Variants in FHIP1A observed in about 807,000 individuals in gnomAD.
FHIP1A encodes the protein FHF complex subunit HOOK-interacting protein 1A.
A neutral mutation model predicts 88.6 loss-of-function variants in FHIP1A; 61 were observed. That is an observed-to-expected ratio of 0.69 (90% CI 0.56 to 0.85). FHIP1A has a LOEUF of 0.85. Ranked by LOEUF, FHIP1A falls within the 40% of genes least tolerant of loss-of-function variation. The pLI, the probability that FHIP1A is intolerant of heterozygous loss-of-function variation, is 0.00. For synonymous variants in FHIP1A, 478 were observed against 496.0 expected, an observed-to-expected ratio of 0.96 and a Z score of 0.48; for missense variants, 1,154 against 1,273.5, an observed-to-expected ratio of 0.91 and a Z score of 1.43.
intron 7 of FHIP1A, among the ~76,000 whole-genome samples, chr4:151,598,488 C>T (rs1373119507): frequency 2.0e-5 from 3 of 152,092 alleles, no homozygotes; most frequent in Admixed American, 1.3e-4. Context: ...GCTATCTTGC[C>T]AGCCACCTCT....
chr4:151,454,288 G>A (rs1260969292), intron 1 of FHIP1A, among the ~76,000 whole-genome samples: 3 of 152,172 alleles, frequency 2.0e-5, no homozygotes, highest in Non-Finnish European at 4.4e-5. Context: ...CACATCAAGA[G>A]CCATTGGAGT....
intron 7 of FHIP1A, among the ~76,000 whole-genome samples, chr4:151,611,994 T>A (rs1466293374): frequency 1.3e-5 from 2 of 152,246 alleles, no homozygotes; most frequent in African/African-American, 2.4e-5. Context: ...AAAATGATTA[T>A]GTACATTTGT....
chr4:151,645,020 C>A (rs571405472), intron 9 of FHIP1A, among the ~76,000 whole-genome samples: 3 of 152,184 alleles, frequency 2.0e-5, no homozygotes, highest in Non-Finnish European at 4.4e-5. Flanking sequence ...TTCATTTTTC[C>A]TCATTGCTAA....
chr4:151,452,951 T>TATATACATAC (rs1266623899), intron 1 of FHIP1A, among the ~76,000 whole-genome samples: 1 of 119,316 alleles, frequency 8.4e-6, no homozygotes, highest in Non-Finnish European at 2.0e-5. Context: ...TATATATATA[T>TATATACATAC]ACATACACAC....
At chr4:151,617,928 A>G (rs1222952342) in intron 7 of FHIP1A, among the ~76,000 whole-genome samples, 1 of 152,202 alleles carries the variant, frequency 6.6e-6, no homozygotes, top group African/African-American at 2.4e-5. Flanking sequence ...TCTCAATACA[A>G]GCACTGCTGT....
chr4:151,499,390 G>C (rs190836160), intron 3 of FHIP1A, among the ~76,000 whole-genome samples: 26 of 152,204 alleles, frequency 1.7e-4, no homozygotes, highest in African/African-American at 5.1e-4. Flanking sequence ...TTATTTTTAC[G>C]TGAAGCCAGA....
chr4:151,520,213 A>G (rs34306042), intron 3 of FHIP1A, among the ~76,000 whole-genome samples: 9,663 of 152,182 alleles, frequency 0.063, 457 homozygotes, highest in Non-Finnish European at 0.092. Context: ...TATCTATATT[A>G]TATCTCAAGT....
intron 3 of FHIP1A, among the ~76,000 whole-genome samples, chr4:151,550,384 ATGTG>A (rs1732681269): frequency 6.6e-6 from 1 of 151,966 alleles, no homozygotes; most frequent in African/African-American, 2.4e-5. Flanking sequence ...CCGAACCCCT[ATGTG>A]TGTATTTTTA....
At chr4:151,457,955 A>G (rs1349190588) in intron 2 of FHIP1A, among the ~76,000 whole-genome samples, 2 of 152,264 alleles carry the variant, frequency 1.3e-5, no homozygotes, top group Non-Finnish European at 2.9e-5. Context: ...CTACCAGTTT[A>G]TGGTCCCTGT....
rs1736964432 is a variant in FHIP1A at position 151,650,109 on chromosome 4, GA to G, written c.2069del (p.Glu690GlyfsTer39). The G allele has an allele frequency of 6.4e-7, 1 of 1,551,686 alleles. No homozygotes were observed. Among genetic ancestry groups the G allele is most frequent in the African/African-American group, 1.4e-5 (1 of 73,168 alleles). ...NNGPLLSTQPETDSEEEWNRD... is the reference protein window; with the variant it reads ...NNGPLLSTQPXTDSEEEWNRD... Reference sequence around the variant, plus strand: ...CGGCCCCCTCCTCAGCACCCAGCCAGAGACAGATTCAGAGGAGGAGTGGAAT... The same window carrying G: ...CGGCCCCCTCCTCAGCACCCAGCCAGGACAGATTCAGAGGAGGAGTGGAAT... On this transcript the variant is annotated frameshift_variant, in exon 11 of 14. Coordinates refer to ENST00000435205, the MANE Select transcript of FHIP1A (RefSeq NM_001109977.3). LOFTEE classifies it high-confidence loss of function.
chr4:151,531,364 G>C (rs939737197), intron 3 of FHIP1A, among the ~76,000 whole-genome samples: 2 of 151,924 alleles, frequency 1.3e-5, no homozygotes, highest in Non-Finnish European at 2.9e-5. Context: ...GGCCTTCTGT[G>C]CTTTCTCCTC....
At chr4:151,570,534 C>T (rs1733561747) in intron 4 of FHIP1A, among the ~76,000 whole-genome samples, 1 of 152,170 alleles carries the variant, frequency 6.6e-6, no homozygotes, top group South Asian at 2.1e-4. Context: ...CACACTACAG[C>T]CTTGAACTCC....
chr4:151,538,712 A>G (rs752242090), intron 3 of FHIP1A, among the ~76,000 whole-genome samples: 25 of 152,220 alleles, frequency 1.6e-4, no homozygotes, highest in Non-Finnish European at 3.2e-4. Flanking sequence ...GAGTCAAGTT[A>G]TGGCGGAACT....
chr4:151,497,397 A>G (rs1327417543), intron 3 of FHIP1A, among the ~76,000 whole-genome samples: 1 of 152,174 alleles, frequency 6.6e-6, no homozygotes, highest in Non-Finnish European at 1.5e-5. Context: ...CTGTTTTTTT[A>G]TGGCCCACTA....
At chr4:151,632,170 TTTAAGA>T (rs1432446752) in intron 8 of FHIP1A, among the ~76,000 whole-genome samples, 4 of 151,916 alleles carry the variant, frequency 2.6e-5, no homozygotes, top group Non-Finnish European at 5.9e-5. Context: ...AAAATTAGAC[TTTAAGA>T]TAAAGAGACA....
At chr4:151,510,430 A>AT (rs1173163057) in intron 3 of FHIP1A, among the ~76,000 whole-genome samples, 1 of 152,102 alleles carries the variant, frequency 6.6e-6, no homozygotes. Flanking sequence ...TTTAAAAGAG[A>AT]TTTTTTTATT....
chr4:151,594,394 C>T (rs949676340), intron 7 of FHIP1A, among the ~76,000 whole-genome samples: 5 of 151,740 alleles, frequency 3.3e-5, no homozygotes, highest in South Asian at 2.1e-4. Context: ...GGTTGGTAGG[C>T]ATTAGTTAAC....
In FHIP1A at chr4:151,629,862, C is replaced by T. The variant is rs780973321; in HGVS notation, c.1139C>T (p.Pro380Leu). Residue 380 changes from proline to leucine, a missense_variant, in exon 8 of 14, where the codon CCG becomes CTG. Physicochemically the swap from Pro to Leu is moderately conservative, Grantham distance 98 (BLOSUM62 -3). Coordinates refer to ENST00000435205, the MANE Select transcript of FHIP1A (RefSeq NM_001109977.3). ...LDTLTSRINT[P>L]FRLCVVSLAL... Reference sequence around the variant, plus strand: ...ACTCTCACGAGTCGAATCAACACCCCGTTTCGGGTAAGGAGAGCGCCAGAG... The same window carrying T: ...ACTCTCACGAGTCGAATCAACACCCTGTTTCGGGTAAGGAGAGCGCCAGAG... The T allele has an allele frequency of 1.4e-5, 22 of 1,550,904 alleles. No individual in the cohort carries two copies. The highest frequency in any genetic ancestry group is 4.8e-5 in the South Asian group (4 of 83,974).
At position 151,545,163 on chromosome 4, in the gene FHIP1A, A is replaced by G. The variant is rs79223219; in HGVS notation, c.-122-20975A>G. Among the ~76,000 whole-genome samples, 888 of 152,308 alleles carry G rather than the reference A, an allele frequency of 5.8e-3. 7 individuals carry two copies. Among genetic ancestry groups the G allele is most frequent in the Non-Finnish European group, 9.7e-3 (661 of 68,016 alleles). ...GGTTTCCCAGAAAGGTCTGGGTAGC[A>G]TGGATTAATATTTCTACATATTGAT... On this transcript the variant is annotated intron_variant, in intron 3 of 13. Coordinates refer to ENST00000435205, the MANE Select transcript of FHIP1A (RefSeq NM_001109977.3).
Sources: gnomAD v4.1 joint callset for allele counts (sites outside exome capture counted in the v4.1 genomes callset) on GRCh38, gnomAD v4.1.1 for gene constraint, MANE v1.5 for transcripts, NCBI Gene and HGNC (gene_info 2026-07-23, HGNC 2026-07-21) for gene names.